Variants in NPC1L1 observed in about 807,000 individuals in gnomAD.
The protein encoded by NPC1L1 is NPC1 like intracellular cholesterol transporter 1, also known as NPC1-like intracellular cholesterol transporter 1.
A neutral mutation model predicts 117.0 loss-of-function variants in NPC1L1; 98 were observed. The ratio of observed to expected loss-of-function variants is 0.84; its 90% CI spans 0.71 to 0.99. The LOEUF (loss-of-function observed/expected upper bound fraction) is 0.99. NPC1L1 is among the 50% of genes least tolerant of loss of function. The pLI is 0.00. For synonymous variants in NPC1L1, 729 were observed against 727.6 expected, an observed-to-expected ratio of 1.00 and a Z score of -0.03; for missense variants, 1,540 against 1,710.0, an observed-to-expected ratio of 0.90 and a Z score of 1.75.
Position 44,516,563 on chromosome 7 carries a change from G to A in NPC1L1, c.3519+140C>T, listed in dbSNP as rs1032677459. 39 of 757,390 alleles carry A rather than the reference G, an allele frequency of 5.1e-5. No individual in the cohort carries two copies. In the African/African-American group the frequency reaches 6.2e-4, roughly 12 times the overall value. 46.9% of individuals were successfully genotyped at this position (757,390 alleles called of 1,614,324 possible). On this transcript the variant is annotated intron_variant, in intron 16 of 18. Coordinates refer to ENST00000381160, the MANE Select transcript of NPC1L1 (RefSeq NM_001101648.2). ...CGAGGCTACAGTGAGCTGTGATCATGTCACTGCCCTCAAGCCTGAGCAACA... is the reference window on the plus strand; with the variant it reads ...CGAGGCTACAGTGAGCTGTGATCATATCACTGCCCTCAAGCCTGAGCAACA...
intron 14 of NPC1L1, among the ~76,000 whole-genome samples, chr7:44,519,184 G>C (rs1453731427): frequency 6.6e-6 from 1 of 152,074 alleles, no homozygotes; most frequent in African/African-American, 2.4e-5. Context: ...GTGAGCTGCA[G>C]CACCTAGCTG....
chr7:44,529,949 G>A (rs188999234), intron 10 of NPC1L1, among the ~76,000 whole-genome samples: 17 of 151,110 alleles, frequency 1.1e-4, no homozygotes, highest in Admixed American at 2.6e-4. Flanking sequence ...CAGGAGAATC[G>A]CTTGAACCTG....
chr7:44,515,714 C>A, intron 18 of NPC1L1, 89 bp downstream of exon 18: 1 of 1,554,118 alleles, frequency 6.4e-7, no homozygotes, highest in Admixed American at 1.7e-5. Flanking sequence ...CTCGTTTGCA[C>A]TTCCTGAGCT....
At chr7:44,531,212 TG>T (rs1349509124) in intron 10 of NPC1L1, among the ~76,000 whole-genome samples, 1 of 152,208 alleles carries the variant, frequency 6.6e-6, no homozygotes, top group Non-Finnish European at 1.5e-5. Context: ...TGGTCCAGGC[TG>T]GGCAATCAGC....
In NPC1L1 at chr7:44,539,261, G is replaced by A; in HGVS notation, c.1136C>T (p.Pro379Leu). ...GTTGGGGGCCGACCACAGCTCCACG[G>A]GGTCCGTAGTGAGTTCTGTAAAGAC... ...GLVFTELTTD[P>L]VELWSAPNSQ... The change falls in exon 2 of 19, where the codon CCC becomes CTC. Residue 379 changes from proline to leucine, a missense_variant. This residue lies in a region of NPC1L1 where 793 missense variants were observed against 820.4 expected (regional missense o/e 0.97). Transcript: ENST00000381160. The surrounding 1 kb of genome is among the most constrained non-coding windows in gnomAD (Gnocchi z 4.4). The A allele has an allele frequency of 6.2e-7, 1 of 1,614,072 alleles. No homozygotes were observed. The highest frequency in any genetic ancestry group is 8.5e-7 in the Non-Finnish European group (1 of 1,180,030).
chr7:44,516,257 A>G, intron 16 of NPC1L1, 60 bp from the exon 17 acceptor site: 1 of 1,412,800 alleles, frequency 7.1e-7, no homozygotes, highest in South Asian at 1.2e-5. Context: ...AACTAGGGAG[A>G]TGAGGCCTCC....
At chr7:44,520,955 G>T in intron 13 of NPC1L1, 37 bp downstream of exon 13, 1 of 1,614,122 alleles carries the variant, frequency 6.2e-7, no homozygotes, top group Non-Finnish European at 8.5e-7. Context: ...TGTCCCACAT[G>T]TCTGTCCTCC....
At chr7:44,516,667 C>T (rs1220829888) in intron 16 of NPC1L1, 36 bp downstream of exon 16, 4 of 1,543,978 alleles carry the variant, frequency 2.6e-6, no homozygotes, top group Non-Finnish European at 3.5e-6. Context: ...AACCACCCCT[C>T]CAGAGGCCCC....
chr7:44,523,365 G>A (rs994753128), intron 10 of NPC1L1, among the ~76,000 whole-genome samples: 4 of 152,234 alleles, frequency 2.6e-5, no homozygotes, highest in South Asian at 4.1e-4. Context: ...CTAGTGTAAC[G>A]ATTTTGGAAC....
At position 44,539,263 on chromosome 7, in the gene NPC1L1, G is replaced by T; in HGVS notation, c.1134C>A (p.Asp378Glu). Reference sequence around the variant, plus strand: ...TGGGGGCCGACCACAGCTCCACGGGGTCCGTAGTGAGTTCTGTAAAGACCA... The same window carrying T: ...TGGGGGCCGACCACAGCTCCACGGGTTCCGTAGTGAGTTCTGTAAAGACCA... ...AGLVFTELTT[D>E]PVELWSAPNS... The change falls in exon 2 of 19, where the codon GAC becomes GAA. Residue 378 changes from aspartate (D) to glutamate (E), a missense_variant. By Grantham distance (45) the Asp-to-Glu change is conservative. Around this residue, in one of 3 missense-constraint regions of NPC1L1, gnomAD observed 793 missense variants for 820.4 expected, o/e 0.97. Coordinates refer to ENST00000381160, the MANE Select transcript of NPC1L1 (RefSeq NM_001101648.2). This position sits in a 1 kb window ranked among gnomAD's most constrained non-coding sequence, Gnocchi z 4.4. 1 of 1,614,060 alleles carries T rather than the reference G, an allele frequency of 6.2e-7. No individual in the cohort carries two copies. Among genetic ancestry groups the T allele is most frequent in the Non-Finnish European group, 8.5e-7 (1 of 1,180,026 alleles).
chr7:44,519,762 G>T (rs1801296504), intron 14 of NPC1L1, among the ~76,000 whole-genome samples: 1 of 151,874 alleles, frequency 6.6e-6, no homozygotes, highest in Non-Finnish European at 1.5e-5. Context: ...GCATGTTGTG[G>T]GTCCTTTTCC....
intron 2 of NPC1L1, among the ~76,000 whole-genome samples, chr7:44,537,159 G>GGGTCTGTAAGGTCAGAACTGTTTTC (rs1801925278): frequency 6.6e-6 from 1 of 152,196 alleles, no homozygotes; most frequent in Admixed American, 6.5e-5. Context: ...CATCCAGCAA[G>GGGTCTGTAAGGTCAGAACTGTTTTC]ATCTCCTGCA....
At chr7:44,522,369 G>A (rs1801388594) in intron 10 of NPC1L1, 127 bp from the exon 11 acceptor site, 1 of 889,516 alleles carries the variant, frequency 1.1e-6, no homozygotes, top group Non-Finnish European at 1.8e-6. Flanking sequence ...AGAGGTCCAT[G>A]ATCAGAGGAA....
intron 15 of NPC1L1, 89 bp from the exon 16 acceptor site, chr7:44,517,023 G>C: frequency 6.9e-7 from 1 of 1,452,880 alleles, no homozygotes; most frequent in East Asian, 2.3e-5. Flanking sequence ...AGAATGCTGA[G>C]GGTCAGGCAG....
intron 14 of NPC1L1, among the ~76,000 whole-genome samples, chr7:44,519,067 T>C (rs1801278536): frequency 6.6e-6 from 1 of 152,030 alleles, no homozygotes; most frequent in Non-Finnish European, 1.5e-5. Context: ...CTCTCTTCTT[T>C]TCTTTCAATA....
Position 44,517,928 on chromosome 7 carries a change from C to T in NPC1L1, c.3137-571G>A, listed in dbSNP as rs545928405. Among the ~76,000 whole-genome samples the T allele has an allele frequency of 2.0e-5, 3 of 151,966 alleles. No homozygotes were observed. In the South Asian group the frequency reaches 6.2e-4, roughly 32 times the overall value. ...GTCAGGAGTTCAAGACCAGCCTGCC[C>T]AACATGGTGAAACCCTGTCTCTACT... On this transcript the variant is annotated intron_variant, in intron 14 of 18. Transcript: ENST00000381160.
intron 10 of NPC1L1, 68 bp from the exon 11 acceptor site, chr7:44,522,310 CA>C: frequency 6.9e-7 from 1 of 1,440,876 alleles, no homozygotes; most frequent in African/African-American, 1.4e-5. Flanking sequence ...CAATCCAGCT[CA>C]CACTCTCGAA....
chr7:44,529,919 A>G (rs1317041622), intron 10 of NPC1L1, among the ~76,000 whole-genome samples: 1 of 151,684 alleles, frequency 6.6e-6, no homozygotes, highest in African/African-American at 2.4e-5. Context: ...CTGTAGTCCC[A>G]GCTACTCAGG....
chr7:44,532,008 C>T (rs1801716804), intron 9 of NPC1L1, 72 bp downstream of exon 9: 1 of 1,610,810 alleles, frequency 6.2e-7, no homozygotes, highest in Non-Finnish European at 8.5e-7. Context: ...CTCCCCACCT[C>T]CAACCCTGCT....
Sources: gnomAD v4.1 joint callset for allele counts (sites outside exome capture counted in the v4.1 genomes callset) on GRCh38, gnomAD v4.1.1 for gene constraint, gnomAD v4.1.1 regional missense constraint, Gnocchi (gnomAD v3.1) non-coding constraint, MANE v1.5 for transcripts, NCBI Gene and HGNC (gene_info 2026-07-23, HGNC 2026-07-21) for gene names.